Variants in PELP1 observed in about 807,000 individuals in gnomAD.
PELP1 encodes the protein proline, glutamate and leucine rich protein 1, also known as proline-, glutamic acid- and leucine-rich protein 1.
A neutral mutation model predicts 95.5 loss-of-function variants in PELP1; 32 were observed. The ratio of observed to expected loss-of-function variants is 0.34; its 90% CI spans 0.25 to 0.45. The LOEUF (loss-of-function observed/expected upper bound fraction) is 0.45, where lower values mean the gene tolerates loss of function less well. PELP1 is among the 20% of genes least tolerant of loss of function. The probability of loss-of-function intolerance (pLI) is 1.00; values close to 1 mark genes in which losing one functional copy is unlikely to be tolerated. For synonymous variants in PELP1, 668 were observed against 600.1 expected (o/e 1.11, Z -1.65); for missense variants, 1,358 against 1,444.8 (o/e 0.94, Z 0.97).
chr17:4,673,702 G>A lies in PELP1; in HGVS notation c.1583-28C>T, dbSNP rs1912336217. Reference sequence around the variant, plus strand: ...GGGGAAGAAGAATGGTGTGTAAAGGGTAGGCTCCCAACAGACTGACGGCAA... The same window carrying A: ...GGGGAAGAAGAATGGTGTGTAAAGGATAGGCTCCCAACAGACTGACGGCAA... On this transcript the variant is annotated intron_variant, in intron 13 of 16. Coordinates refer to ENST00000572293, the MANE Select transcript of PELP1 (RefSeq NM_014389.3). The surrounding 1 kb of genome is among the most constrained non-coding windows in gnomAD (Gnocchi z 5.7). 1 of 1,606,470 alleles carries A rather than the reference G, an allele frequency of 6.2e-7. No individual in the cohort carries two copies.
rs534401365 is a variant in PELP1, at chr17:4,683,125, T to C, written c.421-173A>G. Reference sequence around the variant, plus strand: ...GAGACACGGATACTGTGTTTACATTTTACTATTACGGGTATCTGGGGTCCT... The same window carrying C: ...GAGACACGGATACTGTGTTTACATTCTACTATTACGGGTATCTGGGGTCCT... On this transcript the variant is annotated intron_variant, in intron 3 of 16. Coordinates refer to ENST00000572293, the MANE Select transcript of PELP1 (RefSeq NM_014389.3). 34 of 1,254,666 alleles carry C rather than the reference T, an allele frequency of 2.7e-5. No individual in the cohort carries two copies. In the African/African-American group the frequency reaches 4.9e-4, roughly 18 times the overall value. The allele number at this position is 1,254,666 out of a possible 1,614,324, so 77.7% of individuals were successfully genotyped here.
chr17:4,697,086 G>A (rs907502900), intron 1 of PELP1, among the ~76,000 whole-genome samples: 1 of 152,132 alleles, frequency 6.6e-6, no homozygotes, highest in African/African-American at 2.4e-5. Context: ...TTCACCAAGG[G>A]AATAAGAGTA....
intron 1 of PELP1, among the ~76,000 whole-genome samples, chr17:4,701,575 T>C (rs1913538957): frequency 6.6e-6 from 1 of 152,234 alleles, no homozygotes; most frequent in Non-Finnish European, 1.5e-5. Flanking sequence ...TGTGCTAGGA[T>C]CATTCCATTT....
Position 4,682,821 on chromosome 17 carries a change from C to G in PELP1, c.552G>C (p.Leu184=). Residue 184 remains leucine (L), a synonymous_variant, in exon 4 of 17, where the codon CTG becomes CTC. Transcript: ENST00000572293. ...ATCTCACCTCTGGCCTGAGGCCCAG[C>G]AGGGAGGTGAGAAGGCCAGGGAGGT... ...MNHLPGLLTS[L]LGLRPECEQS... is the part of the protein sequence containing the mutation. 3 of 1,589,484 alleles carry G rather than the reference C, an allele frequency of 1.9e-6. No individual in the cohort carries two copies. The highest frequency in any genetic ancestry group is 1.7e-6 in the Non-Finnish European group (2 of 1,169,608).
At position 4,701,373 on chromosome 17, in the gene PELP1, T is replaced by C. The variant is rs747249163; in HGVS notation, c.249+2490A>G. The stretch of plus-strand genomic sequence containing the variant: ...GGAGGGATTCCAAGAGAAGAGTAAG[T>C]ACAAAGCCTCTGAGGAAAGAACACC... On this transcript the variant is annotated intron_variant, in intron 1 of 16. Coordinates refer to ENST00000572293, the MANE Select transcript of PELP1 (RefSeq NM_014389.3). 1.8e-4 allele frequency among the ~76,000 whole-genome samples: 28 copies of C among 151,924 alleles called. 1 individual carries two copies. Among genetic ancestry groups the C allele is most frequent in the Non-Finnish European group, 3.4e-4 (23 of 67,968 alleles).
chr17:4,683,421 T>C (rs9898560), intron 3 of PELP1, among the ~76,000 whole-genome samples: 7,460 of 151,456 alleles, frequency 0.049, 232 homozygotes, highest in Middle Eastern at 0.12. Context: ...GGGGTTTCAC[T>C]ATGTTAGCCA....
chr17:4,702,821 G>A (rs1913596037), intron 1 of PELP1, among the ~76,000 whole-genome samples: 1 of 152,136 alleles, frequency 6.6e-6, no homozygotes, highest in Non-Finnish European at 1.5e-5. Context: ...TGGGAGAGAA[G>A]GGAAGATAGG....
At chr17:4,691,037 A>G in intron 2 of PELP1, 44 bp from the exon 3 acceptor site, 1 of 1,366,070 alleles carries the variant, frequency 7.3e-7, no homozygotes, top group Non-Finnish European at 1.0e-6. Context: ...CGGAGGCTAG[A>G]CTTCAGAGAA....
intron 16 of PELP1, 50 bp from the exon 17 acceptor site, chr17:4,671,581 A>G (rs1260145553): frequency 6.2e-7 from 1 of 1,610,578 alleles, no homozygotes; most frequent in African/African-American, 1.3e-5. Context: ...ACACATACAC[A>G]GAAGAATGGT....
At chr17:4,685,613 G>T (rs553782615) in intron 3 of PELP1, among the ~76,000 whole-genome samples, 3 of 111,740 alleles carry the variant, frequency 2.7e-5, no homozygotes, top group East Asian at 5.3e-4. Flanking sequence ...AATATAGCAA[G>T]AACCCATCTG....
In PELP1 at chr17:4,672,116, CTTCCAG is replaced by C; in HGVS notation, c.2869_2874del (p.Leu957_Glu958del). ...GTGCCAAACTCCAGGTCTTCCACCT[CTTCCAG>C]TTCTTCTTCCTCCTCCTCATCCTCC... On this transcript the variant is annotated inframe_deletion, in exon 16 of 17. Coordinates refer to ENST00000572293, the MANE Select transcript of PELP1 (RefSeq NM_014389.3). The C allele has an allele frequency of 6.4e-7, 1 of 1,553,210 alleles. No individual in the cohort carries two copies. Among genetic ancestry groups the C allele is most frequent in the Non-Finnish European group, 8.7e-7 (1 of 1,147,782 alleles).
chr17:4,682,463 C>T (rs374074266), intron 5 of PELP1, 39 bp downstream of exon 5: 34 of 1,351,086 alleles, frequency 2.5e-5, no homozygotes, highest in South Asian at 5.8e-5. Context: ...GAGCTCTCAA[C>T]GCTTACACTG....
chr17:4,672,065 C>A lies in PELP1; in HGVS notation c.2926G>T (p.Ala976Ser). The A allele has an allele frequency of 6.4e-7, 1 of 1,559,150 alleles. No individual in the cohort carries two copies. The highest frequency in any genetic ancestry group is 1.2e-5 in the South Asian group (1 of 83,934). Residue 976 changes from alanine to serine, a missense_variant, in exon 16 of 17, where the codon GCA becomes TCA. Transcript: ENST00000572293. ...GGAGGCAGGGTTGGGGGTGGAGGTG[C>A]ACCTTCTTCTACCTCCCCTCCTGCT... Reference protein sequence around the residue: ...GTAGGEVEEGAPPPPTLPPAL... With the variant: ...GTAGGEVEEGSPPPPTLPPAL...
chr17:4,671,321 A>C lies in PELP1; in HGVS notation c.*118T>G. On this transcript the variant is annotated 3_prime_UTR_variant, in exon 17 of 17. Transcript: ENST00000572293. Reference sequence around the variant, plus strand: ...GGGGAATACTATGGACACCCTGAAAAGCCCAGCAGACACTTGAGCTTCTGG... The same window carrying C: ...GGGGAATACTATGGACACCCTGAAACGCCCAGCAGACACTTGAGCTTCTGG... The C allele has an allele frequency of 1.5e-6, 1 of 678,724 alleles. No homozygotes were observed. Among genetic ancestry groups the C allele is most frequent in the Non-Finnish European group, 2.7e-6 (1 of 371,660 alleles). 42.0% of individuals were successfully genotyped at this position (678,724 alleles called of 1,614,324 possible).
chr17:4,698,038 GTCT>G (rs1283527317), intron 1 of PELP1, among the ~76,000 whole-genome samples: 1 of 146,266 alleles, frequency 6.8e-6, no homozygotes, highest in African/African-American at 2.5e-5. Flanking sequence ...TAGAGATAGG[GTCT>G]TGCCATGTTG....
chr17:4,685,310 C>T (rs1399700350), intron 3 of PELP1, among the ~76,000 whole-genome samples: 1 of 152,176 alleles, frequency 6.6e-6, no homozygotes, highest in Admixed American at 6.5e-5. Flanking sequence ...TTGGCCCCCC[C>T]AGCCCGCAAT....
intron 1 of PELP1, among the ~76,000 whole-genome samples, chr17:4,698,859 A>G (rs1913409056): frequency 6.6e-6 from 1 of 152,278 alleles, no homozygotes; most frequent in African/African-American, 2.4e-5. Flanking sequence ...GAGTATGATT[A>G]TGTAAGAGAA....
In PELP1 at chr17:4,673,033, G is replaced by T. The variant is rs993347563; in HGVS notation, c.1958C>A (p.Pro653His). ...PTCPTPAPVP[P>H]PEAPSPFRAP... ...CCTGAAGGGCGATGGGGCCTCAGGA[G>T]GGGGAACTGGAGCAGGTGTGGGGCA... The change falls in exon 16 of 17, where the codon CCT becomes CAT. Residue 653 changes from proline (P) to histidine (H), a missense_variant. Around this residue, in one of 7 missense-constraint regions of PELP1, gnomAD observed 340 missense variants for 322.9 expected, o/e 1.05. Coordinates refer to ENST00000572293, the MANE Select transcript of PELP1 (RefSeq NM_014389.3). The surrounding 1 kb of genome is among the most constrained non-coding windows in gnomAD (Gnocchi z 5.7). 7 of 1,533,110 alleles carry T rather than the reference G, an allele frequency of 4.6e-6. No homozygotes were observed. The highest frequency in any genetic ancestry group is 4.5e-5 in the East Asian group (2 of 44,292). The allele number at this position is 1,533,110 out of a possible 1,614,324, so 95.0% of individuals were successfully genotyped here. A position where few individuals can be genotyped will look rare whatever the true frequency, so the allele number is the denominator to read the frequency against.
intron 1 of PELP1, among the ~76,000 whole-genome samples, chr17:4,698,509 G>GC (rs1913388686): frequency 6.6e-6 from 1 of 150,620 alleles, no homozygotes; most frequent in Non-Finnish European, 1.5e-5. Context: ...AGGCATGGTA[G>GC]CAGGCGCTTG....
Sources: allele counts gnomAD v4.1 joint callset (sites outside exome capture counted in the v4.1 genomes callset), GRCh38; gene constraint gnomAD v4.1.1; regional missense constraint gnomAD v4.1.1; non-coding constraint Gnocchi (gnomAD v3.1); transcripts MANE v1.5; gene names NCBI Gene and HGNC (gene_info 2026-07-23, HGNC 2026-07-21).